Variants in SUMF1 observed in about 807,000 individuals in gnomAD.
SUMF1 encodes the protein formylglycine-generating enzyme.
A neutral mutation model predicts 47.6 loss-of-function variants in SUMF1; 48 were observed. That is an observed-to-expected ratio of 1.01 (90% CI 0.80 to 1.28). The LOEUF (loss-of-function observed/expected upper bound fraction) is 1.28, where lower values mean the gene tolerates loss of function less well. Among genes scored for constraint, SUMF1 ranks in the 50% most tolerant of loss-of-function variants. The pLI is 0.00. For missense variants in SUMF1, 571 were observed against 485.4 expected (o/e 1.18, Z -1.66); for synonymous variants, 230 against 192.1 (o/e 1.20, Z -1.63).
At chr3:4,169,121 T>C (rs1694775383) in intron 8 of SUMF1, among the ~76,000 whole-genome samples, 1 of 152,174 alleles carries the variant, frequency 6.6e-6, no homozygotes, top group Non-Finnish European at 1.5e-5. Flanking sequence ...CAGAGGTAAA[T>C]ATTGCATTGT....
intron 1 of SUMF1, among the ~76,000 whole-genome samples, chr3:4,455,359 C>T (rs1703120766): frequency 6.6e-6 from 1 of 152,104 alleles, no homozygotes; most frequent in Non-Finnish European, 1.5e-5. Flanking sequence ...CCTACCCAGA[C>T]TGAATCAAGA....
At chr3:4,130,133 C>A (rs757901834) in intron 8 of SUMF1, among the ~76,000 whole-genome samples, 4 of 152,084 alleles carry the variant, frequency 2.6e-5, no homozygotes, top group Non-Finnish European at 4.4e-5. Context: ...CCCCATTCAA[C>A]TCTCCCATTT....
intron 9 of SUMF1, among the ~76,000 whole-genome samples, chr3:4,044,177 T>C (rs545414397): frequency 6.6e-6 from 1 of 152,304 alleles, no homozygotes; most frequent in South Asian, 2.1e-4. Context: ...CTTCTTATGT[T>C]AGAATGCGTA....
At chr3:4,051,685 A>G (rs1397725208) in intron 9 of SUMF1, among the ~76,000 whole-genome samples, 1 of 152,146 alleles carries the variant, frequency 6.6e-6, no homozygotes, top group Non-Finnish European at 1.5e-5. Context: ...CCAGGACACT[A>G]GCCATGCCTG....
At chr3:4,370,265 G>A (rs1413403332) in intron 8 of SUMF1, among the ~76,000 whole-genome samples, 1 of 152,154 alleles carries the variant, frequency 6.6e-6, no homozygotes, top group Non-Finnish European at 1.5e-5. Context: ...TGTCTTTGGG[G>A]TAACTGGCTT....
At chr3:4,202,504 T>G (rs1695562761) in intron 8 of SUMF1, among the ~76,000 whole-genome samples, 1 of 152,108 alleles carries the variant, frequency 6.6e-6, no homozygotes, top group Admixed American at 6.6e-5. Context: ...TTCTGATTAC[T>G]ATAGCTCTGT....
intron 8 of SUMF1, among the ~76,000 whole-genome samples, chr3:4,082,495 T>TAA (rs1692582381): frequency 6.6e-6 from 1 of 152,042 alleles, no homozygotes; most frequent in Admixed American, 6.6e-5. Context: ...ATTAATTAAT[T>TAA]TAATTAAAAG....
chr3:4,378,652 A>G (rs1009723882), intron 7 of SUMF1, among the ~76,000 whole-genome samples: 4 of 152,214 alleles, frequency 2.6e-5, no homozygotes, highest in Non-Finnish European at 5.9e-5. Context: ...TTATTACTCT[A>G]TAAGACAATT....
chr3:4,459,912 T>C (rs2633862), intron 1 of SUMF1, among the ~76,000 whole-genome samples: 32,295 of 152,164 alleles, frequency 0.21, 4,109 homozygotes, highest in Non-Finnish European at 0.3. Context: ...CTGTACCCAA[T>C]GCAATTTTCC....
chr3:4,102,922 C>CTT (rs59784747), intron 8 of SUMF1, among the ~76,000 whole-genome samples: 19 of 143,498 alleles, frequency 1.3e-4, no homozygotes, highest in African/African-American at 3.3e-4. Context: ...ACAGAAACTT[C>CTT]TTTTTTTTTT....
rs370463309 is a variant in SUMF1 at position 4,217,514 on chromosome 3, T to TTATA, written c.1015-148773_1015-148770dup. Reference sequence around the variant, plus strand: ...TGTATCCCAGAACTTAAAGTATTTTTTATATATATATATATATATATATAT... The same window carrying TTATA: ...TGTATCCCAGAACTTAAAGTATTTTTTATATATATATATATATATATATATATAT... On this transcript the variant is annotated intron_variant and NMD_transcript_variant, in intron 8 of 12. Coordinates refer to the SUMF1 transcript ENST00000448413. Among the ~76,000 whole-genome samples, 202 of 45,186 alleles carry TTATA rather than the reference T, an allele frequency of 4.5e-3. 38 individuals are homozygous for TTATA. The highest frequency in any genetic ancestry group is 0.019 in the Admixed American group (79 of 4,132). The allele number at this position is 45,186 out of a possible 152,430, so 29.6% of individuals were successfully genotyped here.
chr3:4,413,054 G>T (rs573731327), intron 6 of SUMF1, among the ~76,000 whole-genome samples: 3 of 151,614 alleles, frequency 2.0e-5, no homozygotes, highest in African/African-American at 4.8e-5. Context: ...ACCCAGACTG[G>T]AGTACAGTGA....
intron 8 of SUMF1, among the ~76,000 whole-genome samples, chr3:4,126,136 G>A (rs902103148): frequency 6.7e-6 from 1 of 149,590 alleles, no homozygotes; most frequent in Non-Finnish European, 1.5e-5. Flanking sequence ...TTTCTGTTTT[G>A]TGTCTCTTGT....
chr3:4,055,284 A>C (rs1440110833), intron 9 of SUMF1, among the ~76,000 whole-genome samples: 2 of 152,180 alleles, frequency 1.3e-5, no homozygotes. Context: ...AAATAATGTT[A>C]GCTAGCCTTT....
intron 8 of SUMF1, among the ~76,000 whole-genome samples, chr3:4,097,439 G>T (rs1256868410): frequency 6.6e-6 from 1 of 152,026 alleles, no homozygotes; most frequent in Non-Finnish European, 1.5e-5. Context: ...TGTAATCCCA[G>T]CTACTTGGGA....
At chr3:4,255,139 G>T (rs1036229192) in intron 8 of SUMF1, among the ~76,000 whole-genome samples, 1 of 149,794 alleles carries the variant, frequency 6.7e-6, no homozygotes, top group African/African-American at 2.5e-5. Flanking sequence ...AGGAACAATC[G>T]GTACCAGCCG....
chr3:4,068,732 T>C (rs1015127900), exon 9 of SUMF1: 4 of 430,892 alleles, frequency 9.3e-6, no homozygotes, highest in Middle Eastern at 3.4e-4. Flanking sequence ...ATAGGGATCA[T>C]AGTACTCTTG....
intron 8 of SUMF1, among the ~76,000 whole-genome samples, chr3:4,204,767 A>G (rs909658429): frequency 6.6e-6 from 1 of 151,822 alleles, no homozygotes; most frequent in Non-Finnish European, 1.5e-5. Flanking sequence ...AGCTGTTAAG[A>G]CACACTGATG....
intron 9 of SUMF1, among the ~76,000 whole-genome samples, chr3:4,052,706 G>C (rs1695134257): frequency 6.6e-6 from 1 of 152,182 alleles, no homozygotes; most frequent in Admixed American, 6.6e-5. Flanking sequence ...ACCCTCAAGA[G>C]ATAGGCAGAA....
Sources: allele counts gnomAD v4.1 joint callset (sites outside exome capture counted in the v4.1 genomes callset), GRCh38; gene constraint gnomAD v4.1.1; transcripts MANE v1.5; gene names NCBI Gene and HGNC (gene_info 2026-07-23, HGNC 2026-07-21).